KIAA1217: variants seen among roughly 807,000 people sequenced by gnomAD.
KIAA1217 encodes the protein sickle tail protein homolog.
Under a neutral mutation model 163.9 loss-of-function variants are expected in KIAA1217, and 88 were observed. The ratio of observed to expected loss-of-function variants is 0.54; its 90% CI spans 0.45 to 0.64. The LOEUF (loss-of-function observed/expected upper bound fraction) is 0.64, where lower values mean the gene tolerates loss of function less well. Ranked by LOEUF, KIAA1217 falls within the 30% of genes least tolerant of loss-of-function variation. The pLI is 0.00. For missense variants in KIAA1217, 2,372 were observed against 2,475.0 expected (o/e 0.96, Z 0.88); for synonymous variants, 903 against 923.1 (o/e 0.98, Z 0.39).
intron 1 of KIAA1217, among the ~76,000 whole-genome samples, chr10:23,708,572 G>A (rs1016857793): frequency 2.0e-5 from 3 of 152,116 alleles, no homozygotes; most frequent in African/African-American, 7.2e-5. Flanking sequence ...AAGAGAGAGG[G>A]CAAGATGCCA....
intron 2 of KIAA1217, among the ~76,000 whole-genome samples, chr10:24,366,450 CTAAAAA>C (rs371301786): frequency 1.6e-4 from 24 of 151,958 alleles, no homozygotes; most frequent in Admixed American, 5.2e-4. Flanking sequence ...GTGTCAAAAA[CTAAAAA>C]TAAAAATAAA....
intron 2 of KIAA1217, among the ~76,000 whole-genome samples, chr10:24,326,018 G>A (rs562774560): frequency 6.6e-6 from 1 of 152,254 alleles, no homozygotes; most frequent in African/African-American, 2.4e-5. Context: ...CCAGTTAACA[G>A]GACCTGCCCC....
intron 1 of KIAA1217, among the ~76,000 whole-genome samples, chr10:23,976,425 A>C (rs1845543984): frequency 6.6e-6 from 1 of 152,180 alleles, no homozygotes; most frequent in Non-Finnish European, 1.5e-5. Flanking sequence ...AAGCATATTA[A>C]AATATGATAA....
chr10:23,751,277 C>G (rs1839724482), intron 1 of KIAA1217, among the ~76,000 whole-genome samples: 1 of 152,134 alleles, frequency 6.6e-6, no homozygotes, highest in African/African-American at 2.4e-5. Flanking sequence ...CTCTGCCTGC[C>G]TCGGCCTTCC....
chr10:24,395,530 A>G (rs56219665), intron 3 of KIAA1217, among the ~76,000 whole-genome samples: 157 of 152,344 alleles, frequency 1.0e-3, no homozygotes, highest in African/African-American at 3.5e-3. Context: ...GCTTAAGGCC[A>G]GTGCACCTGA....
chr10:23,743,542 T>G (rs1162567645), intron 1 of KIAA1217, among the ~76,000 whole-genome samples: 2 of 152,108 alleles, frequency 1.3e-5, no homozygotes, highest in Non-Finnish European at 2.9e-5. Flanking sequence ...CTCTAAGGGA[T>G]GAAGGATCTA....
chr10:23,770,686 T>A (rs185781146), intron 1 of KIAA1217, among the ~76,000 whole-genome samples: 3 of 152,184 alleles, frequency 2.0e-5, no homozygotes, highest in South Asian at 2.1e-4. Flanking sequence ...TCAATGTAGG[T>A]TTTCTAGCAT....
chr10:23,907,043 G>C (rs186040728), intron 1 of KIAA1217, among the ~76,000 whole-genome samples: 1 of 152,024 alleles, frequency 6.6e-6, no homozygotes, highest in South Asian at 2.1e-4. Context: ...CTGAGGCAGC[G>C]TACAGTCATT....
chr10:24,450,190 G>A (rs892101730), intron 5 of KIAA1217, among the ~76,000 whole-genome samples: 5 of 152,226 alleles, frequency 3.3e-5, no homozygotes, highest in African/African-American at 1.2e-4. Flanking sequence ...GTACAAGCAA[G>A]GAGGGAAATT....
At chr10:24,357,394 C>T (rs1436995547) in intron 2 of KIAA1217, among the ~76,000 whole-genome samples, 1 of 152,166 alleles carries the variant, frequency 6.6e-6, no homozygotes, top group Admixed American at 6.5e-5. Flanking sequence ...CACCTCTTTT[C>T]CCTATTAAAA....
chr10:24,484,049 C>T (rs979161818), intron 6 of KIAA1217, among the ~76,000 whole-genome samples: 3 of 151,624 alleles, frequency 2.0e-5, no homozygotes, highest in African/African-American at 7.3e-5. Flanking sequence ...CTGGCTAAGC[C>T]TCAGTGTCTT....
intron 5 of KIAA1217, among the ~76,000 whole-genome samples, chr10:24,472,944 C>A (rs914318): frequency 1.3e-5 from 2 of 152,302 alleles, no homozygotes; most frequent in Non-Finnish European, 2.9e-5. Flanking sequence ...AACCCTACTT[C>A]CATCAGCATA....
chr10:23,852,960 C>T (rs952889415), intron 1 of KIAA1217, among the ~76,000 whole-genome samples: 25 of 152,198 alleles, frequency 1.6e-4, no homozygotes, highest in Admixed American at 1.2e-3. Context: ...CACCTGCAAA[C>T]AGGGTCAATT....
chr10:24,357,824 T>G (rs1367512648), intron 2 of KIAA1217, among the ~76,000 whole-genome samples: 1 of 152,160 alleles, frequency 6.6e-6, no homozygotes, highest in African/African-American at 2.4e-5. Flanking sequence ...GGTGATAGAT[T>G]GGAATGCTCT....
chr10:23,790,582 TATGTACATATATAC>T lies in KIAA1217; in HGVS notation c.-321+95365_-321+95378del, dbSNP rs1181870751. 2.9e-4 allele frequency among the ~76,000 whole-genome samples: 36 copies of T among 124,850 alleles called. 7 individuals carry two copies. The highest frequency in any genetic ancestry group is 2.8e-3 in the East Asian group (13 of 4,706). 81.9% of individuals were successfully genotyped at this position (124,850 alleles called of 152,430 possible). On this transcript the variant is annotated intron_variant, in intron 1 of 18. Transcript: ENST00000376462. ...GTACATATGTATATATACATATGTATATGTACATATATACATGTACATATATACATATGTATATA... is the reference window on the plus strand; with the variant it reads ...GTACATATGTATATATACATATGTATATGTACATATATACATATGTATATA...
chr10:24,118,268 C>A (rs1589564193), intron 2 of KIAA1217, among the ~76,000 whole-genome samples: 1 of 152,078 alleles, frequency 6.6e-6, no homozygotes, highest in African/African-American at 2.4e-5. Flanking sequence ...GGGGTGATGA[C>A]AAACAGGGCC....
intron 2 of KIAA1217, among the ~76,000 whole-genome samples, chr10:24,344,150 C>G (rs1564509367): frequency 6.6e-6 from 1 of 151,950 alleles, no homozygotes; most frequent in East Asian, 1.9e-4. Context: ...TAATTTTGCC[C>G]TTATAATAAG....
intron 2 of KIAA1217, among the ~76,000 whole-genome samples, chr10:24,032,619 C>A (rs553639007): frequency 6.6e-6 from 1 of 152,136 alleles, no homozygotes; most frequent in African/African-American, 2.4e-5. Flanking sequence ...ACAGGAGCCT[C>A]GCTTGCATTT....
chr10:24,116,743 C>T (rs2063070318), intron 2 of KIAA1217, among the ~76,000 whole-genome samples: 2 of 152,030 alleles, frequency 1.3e-5, no homozygotes, highest in Non-Finnish European at 2.9e-5. Flanking sequence ...TCCTAATAAC[C>T]CTCCTTACCT....
Sources: gnomAD v4.1 joint callset for allele counts (sites outside exome capture counted in the v4.1 genomes callset) on GRCh38, gnomAD v4.1.1 for gene constraint, MANE v1.5 for transcripts, NCBI Gene and HGNC (gene_info 2026-07-23, HGNC 2026-07-21) for gene names.